PLEKHG1: variants seen among roughly 807,000 people sequenced by gnomAD.
PLEKHG1 encodes pleckstrin homology and RhoGEF domain containing G1.
A neutral mutation model predicts 100.8 loss-of-function variants in PLEKHG1; 44 were observed. The ratio of observed to expected loss-of-function variants is 0.44; its 90% CI spans 0.34 to 0.56. The LOEUF (loss-of-function observed/expected upper bound fraction) is 0.56. Among genes scored for constraint, PLEKHG1 ranks in the 20% least tolerant of loss-of-function variants. The pLI, the probability that PLEKHG1 is intolerant of heterozygous loss-of-function variation, is 0.01. For missense variants in PLEKHG1, 1,545 were observed against 1,720.9 expected (o/e 0.90, Z 1.81); for synonymous variants, 640 against 662.5 (o/e 0.97, Z 0.52).
intron 7 of PLEKHG1, among the ~76,000 whole-genome samples, chr6:150,806,373 TC>T (rs1787103086): frequency 6.6e-6 from 1 of 151,912 alleles, no homozygotes; most frequent in South Asian, 2.1e-4. Flanking sequence ...TTGCCCATGG[TC>T]AATCAAGGTT....
chr6:150,633,200 A>T (rs1190261422), intron 1 of PLEKHG1: 1 of 152,254 alleles, frequency 6.6e-6, no homozygotes, highest in Non-Finnish European at 1.5e-5. Flanking sequence ...CACAGGTCTA[A>T]TCGGAGGGCA....
chr6:150,796,273 A>G (rs547559401), intron 5 of PLEKHG1, among the ~76,000 whole-genome samples: 22 of 152,344 alleles, frequency 1.4e-4, no homozygotes, highest in East Asian at 9.6e-4. Flanking sequence ...ATGAGTTTCT[A>G]TAATCTAGAT....
At chr6:150,659,925 T>C (rs954206775) in intron 3 of PLEKHG1, among the ~76,000 whole-genome samples, 8 of 152,234 alleles carry the variant, frequency 5.3e-5, no homozygotes, top group Middle Eastern at 3.2e-3. Flanking sequence ...TACATGTAAC[T>C]ACTCACAAAC....
In PLEKHG1 at chr6:150,813,166, G is replaced by C. The variant is rs557067676; in HGVS notation, c.1278+3432G>C. On this transcript the variant is annotated intron_variant, in intron 10 of 15. Transcript: ENST00000358517. ...TAAAAATACAAAAAATTAGCTAGGC[G>C]TGGTGGCGGGTGCCTGTAGTCCCAG... is the stretch of plus-strand genomic sequence containing the variant. Among the ~76,000 whole-genome samples the C allele has an allele frequency of 5.9e-5, 9 of 151,992 alleles. No individual in the cohort carries two copies. The East Asian group carries it at 1.2e-3, about 20-fold the overall frequency.
chr6:150,619,936 T>C (rs1368755269), intron 1 of PLEKHG1, among the ~76,000 whole-genome samples: 2 of 152,152 alleles, frequency 1.3e-5, no homozygotes, highest in East Asian at 3.9e-4. Context: ...AGGGCATAAA[T>C]TGATGTCTTT....
chr6:150,819,592 A>G, intron 11 of PLEKHG1, 87 bp from the exon 13 acceptor site: 1 of 646,286 alleles, frequency 1.5e-6, no homozygotes, highest in Middle Eastern at 2.8e-4. Context: ...ATAATAATAA[A>G]TCCATATAAA....
At chr6:150,602,060 C>T (rs1776378356) in intron 1 of PLEKHG1, among the ~76,000 whole-genome samples, 3 of 152,170 alleles carry the variant, frequency 2.0e-5, no homozygotes, top group Middle Eastern at 3.2e-3. Flanking sequence ...ATGTTGTGTT[C>T]CCCCTTTGCG....
chr6:150,734,466 T>A (rs1026156961), intron 2 of PLEKHG1, among the ~76,000 whole-genome samples: 10 of 152,148 alleles, frequency 6.6e-5, no homozygotes, highest in African/African-American at 2.4e-4. Flanking sequence ...CCCTCAGCTG[T>A]CCTTACCTTA....
chr6:150,770,596 G>A (rs898433507), intron 3 of PLEKHG1, among the ~76,000 whole-genome samples: 12 of 152,188 alleles, frequency 7.9e-5, no homozygotes, highest in Non-Finnish European at 1.5e-4. Context: ...TGTTTGGAAT[G>A]TGCAGCCATG....
At chr6:150,755,978 C>G (rs980870593) in intron 2 of PLEKHG1, among the ~76,000 whole-genome samples, 5 of 152,158 alleles carry the variant, frequency 3.3e-5, no homozygotes, top group African/African-American at 1.2e-4. Flanking sequence ...CACTTCTGTT[C>G]AGATTATAAA....
chr6:150,706,278 G>A (rs117467753), intron 3 of PLEKHG1, among the ~76,000 whole-genome samples: 518 of 152,150 alleles, frequency 3.4e-3, no homozygotes, highest in Admixed American at 9.7e-3. Flanking sequence ...ATTCTTTGGG[G>A]GCTGTGGTTT....
intron 3 of PLEKHG1, among the ~76,000 whole-genome samples, chr6:150,713,240 A>G (rs1287569168): frequency 6.6e-6 from 1 of 152,178 alleles, no homozygotes; most frequent in African/African-American, 2.4e-5. Context: ...TAATACTGAT[A>G]TACTAAGGTC....
At chr6:150,757,443 A>G (rs1199923760) in intron 2 of PLEKHG1, among the ~76,000 whole-genome samples, 1 of 152,206 alleles carries the variant, frequency 6.6e-6, no homozygotes, top group Non-Finnish European at 1.5e-5. Flanking sequence ...ATCAATTGCC[A>G]TTTTGATGTT....
chr6:150,829,896 C>A (rs1292569647), intron 14 of PLEKHG1, among the ~76,000 whole-genome samples: 1 of 152,060 alleles, frequency 6.6e-6, no homozygotes, highest in African/African-American at 2.4e-5. Context: ...ATACCAGAAA[C>A]CACGATAAAA....
At chr6:150,740,609 C>T (rs779992552) in intron 2 of PLEKHG1, among the ~76,000 whole-genome samples, 9 of 152,226 alleles carry the variant, frequency 5.9e-5, no homozygotes, top group Non-Finnish European at 1.3e-4. Context: ...CATGCTCAAG[C>T]GTAGGAGTTG....
At position 150,648,707 on chromosome 6, in the gene PLEKHG1, C is replaced by A. The variant is rs1049298064; in HGVS notation, c.-157-2021C>A. On this transcript the variant is annotated intron_variant, in intron 2 of 3. Coordinates refer to the PLEKHG1 transcript ENST00000367326. ...TTATCAAATTGGGGAGCCTCATTTT[C>A]CCTCTATCTTGAAAGCTTTTCATAT... is the stretch of plus-strand genomic sequence containing the variant. Among the ~76,000 whole-genome samples the A allele has an allele frequency of 3.9e-5, 6 of 152,084 alleles. No individual in the cohort carries two copies. The South Asian group carries it at 1.2e-3, about 32-fold the overall frequency.
intron 3 of PLEKHG1, among the ~76,000 whole-genome samples, chr6:150,677,319 C>T (rs1454005413): frequency 6.6e-6 from 1 of 152,070 alleles, no homozygotes; most frequent in African/African-American, 2.4e-5. Context: ...CGCGCACACA[C>T]ACCACCAGTT....
upstream of PLEKHG1, among the ~76,000 whole-genome samples, chr6:150,716,696 G>C (rs1781460314): frequency 6.6e-6 from 1 of 152,144 alleles, no homozygotes; most frequent in Non-Finnish European, 1.5e-5. Flanking sequence ...CAGAAAACCT[G>C]GATAGTTCCT....
At chr6:150,805,505 A>G (rs1398092758) in intron 7 of PLEKHG1, among the ~76,000 whole-genome samples, 2 of 149,516 alleles carry the variant, frequency 1.3e-5, no homozygotes, top group Non-Finnish European at 3.0e-5. Flanking sequence ...TTGGGACCTG[A>G]CCCTCCAGCA....
Sources: allele counts gnomAD v4.1 joint callset (sites outside exome capture counted in the v4.1 genomes callset), GRCh38; gene constraint gnomAD v4.1.1; transcripts MANE v1.5; gene names NCBI Gene and HGNC (gene_info 2026-07-23, HGNC 2026-07-21).